Variants in RNF130 observed in about 807,000 individuals in gnomAD.
RNF130 encodes E3 ubiquitin-protein ligase RNF130.
In RNF130, 21 loss-of-function variants were observed where a neutral mutation model predicts 44.6. That is an observed-to-expected ratio of 0.47 (90% CI 0.33 to 0.68). RNF130 has a LOEUF of 0.68. Among genes scored for constraint, RNF130 ranks in the 30% least tolerant of loss-of-function variants. The probability of loss-of-function intolerance (pLI) is 0.02; values close to 1 mark genes in which losing one functional copy is unlikely to be tolerated. For synonymous variants in RNF130, 214 were observed against 210.4 expected, an observed-to-expected ratio of 1.02 and a Z score of -0.15; for missense variants, 479 against 560.6, an observed-to-expected ratio of 0.85 and a Z score of 1.47.
intron 3 of RNF130, among the ~76,000 whole-genome samples, chr5:180,002,589 C>T (rs1468405138): frequency 6.6e-6 from 1 of 152,116 alleles, no homozygotes; most frequent in Non-Finnish European, 1.5e-5. Flanking sequence ...GGTGGGAACC[C>T]TGGTGGTGAG....
At chr5:179,922,386 C>T (rs1761647162) in intron 7 of RNF130, among the ~76,000 whole-genome samples, 1 of 152,010 alleles carries the variant, frequency 6.6e-6, no homozygotes, top group African/African-American at 2.4e-5. Flanking sequence ...CATCTCGGCT[C>T]ACTGCAACCT....
intron 3 of RNF130, among the ~76,000 whole-genome samples, chr5:179,982,968 G>A (rs1762871126): frequency 6.6e-6 from 1 of 152,170 alleles, no homozygotes; most frequent in Non-Finnish European, 1.5e-5. Flanking sequence ...TACATTGTCT[G>A]TGGTGAAGTG....
chr5:179,962,131 G>A (rs1762345488), intron 8 of RNF130, among the ~76,000 whole-genome samples: 1 of 152,224 alleles, frequency 6.6e-6, no homozygotes, highest in South Asian at 2.1e-4. Context: ...CCATGCTGAA[G>A]GAAAACTGCC....
In RNF130 at chr5:179,933,855, C is replaced by T. The variant is rs562616575; in HGVS notation, c.1151-13429G>A. The T allele has an allele frequency of 8.8e-6, 7 of 791,002 alleles. No homozygotes were observed. In the East Asian group the frequency reaches 1.3e-4, roughly 15 times the overall value. 49.0% of individuals were successfully genotyped at this position (791,002 alleles called of 1,614,324 possible). A position where few individuals can be genotyped will look rare whatever the true frequency, so the allele number is the denominator to read the frequency against. ...CCTCCTGTGTGTTTTTGTCTTGCTTCTTCATGGTCCATGTTGCCAGCTGAG... is the reference window on the plus strand; with the variant it reads ...CCTCCTGTGTGTTTTTGTCTTGCTTTTTCATGGTCCATGTTGCCAGCTGAG... On this transcript the variant is annotated intron_variant, in intron 7 of 7. Coordinates refer to the RNF130 transcript ENST00000522208.
chr5:179,993,183 A>T (rs1479285741), intron 3 of RNF130, among the ~76,000 whole-genome samples: 1 of 152,232 alleles, frequency 6.6e-6, no homozygotes. Context: ...CGCAATAAAC[A>T]TACGTGTGCA....
chr5:180,010,740 G>C (rs1390103322), intron 3 of RNF130, among the ~76,000 whole-genome samples: 1 of 152,178 alleles, frequency 6.6e-6, no homozygotes, highest in African/African-American at 2.4e-5. Context: ...TAGGGAAGGG[G>C]GAAGGAGGGA....
chr5:179,997,315 A>G (rs899359879), intron 3 of RNF130, among the ~76,000 whole-genome samples: 1 of 149,580 alleles, frequency 6.7e-6, no homozygotes, highest in Admixed American at 6.7e-5. Context: ...CTTATGTTTT[A>G]TTTATTTATT....
intron 3 of RNF130, among the ~76,000 whole-genome samples, chr5:179,988,591 ATGTTT>A (rs912132256): frequency 2.0e-5 from 3 of 150,758 alleles, no homozygotes; most frequent in African/African-American, 7.3e-5. Flanking sequence ...AGGTTTTGGT[ATGTTT>A]TATTTCCATT....
intron 2 of RNF130, among the ~76,000 whole-genome samples, chr5:180,035,303 T>C (rs1764225841): frequency 6.6e-6 from 1 of 152,258 alleles, no homozygotes; most frequent in African/African-American, 2.4e-5. Flanking sequence ...TTTAGATGTG[T>C]GCTGCTTAAT....
intron 1 of RNF130, among the ~76,000 whole-genome samples, chr5:180,055,451 T>TGTGTGTGC (rs1561709804): frequency 2.6e-5 from 4 of 150,994 alleles, no homozygotes; most frequent in Non-Finnish European, 4.4e-5. Flanking sequence ...TGTGTGTGTG[T>TGTGTGTGC]GCGTGTGTGT....
At chr5:179,974,784 G>A (rs931204974) in intron 5 of RNF130, among the ~76,000 whole-genome samples, 1 of 152,370 alleles carries the variant, frequency 6.6e-6, no homozygotes, top group Admixed American at 6.5e-5. Context: ...AACACTGGAA[G>A]GAGCAGCCAG....
chr5:179,985,608 C>T (rs1762936674), intron 3 of RNF130, among the ~76,000 whole-genome samples: 2 of 152,154 alleles, frequency 1.3e-5, no homozygotes, highest in Admixed American at 1.3e-4. Flanking sequence ...AGGGACAAAG[C>T]ACTGATAAAA....
intron 1 of RNF130, among the ~76,000 whole-genome samples, chr5:180,052,300 T>C (rs114352058): frequency 0.029 from 4,421 of 152,310 alleles, 212 homozygotes; most frequent in African/African-American, 0.1. Flanking sequence ...TCCAAACTTA[T>C]TAGCTTCCTC....
chr5:179,921,753 C>T (rs1409800771), intron 7 of RNF130, among the ~76,000 whole-genome samples: 4 of 151,396 alleles, frequency 2.6e-5, no homozygotes, highest in African/African-American at 9.7e-5. Context: ...GCCAAGATCG[C>T]GCCACACGCC....
intron 7 of RNF130, among the ~76,000 whole-genome samples, chr5:179,925,067 C>A (rs1352479020): frequency 6.6e-6 from 1 of 152,196 alleles, no homozygotes; most frequent in Admixed American, 6.5e-5. Context: ...TTTATCCGGG[C>A]TTCCTGGCCT....
Position 179,988,289 on chromosome 5 carries a change from C to G in RNF130, c.694-8089G>C, listed in dbSNP as rs186262120. On this transcript the variant is annotated intron_variant, in intron 3 of 8. Coordinates refer to ENST00000521389, the MANE Select transcript of RNF130 (RefSeq NM_018434.6). ...TTGTTGGTTTCAGTTGTAATGTCTC[C>G]TTTTTCACTTCTGATTTTATTTGAG... 4.0e-4 allele frequency among the ~76,000 whole-genome samples: 61 copies of G among 152,232 alleles called. 2 individuals carry two copies. The East Asian group carries it at 0.011, about 28-fold the overall frequency.
At chr5:179,952,075 G>A (rs1260747932), downstream of RNF130, among the ~76,000 whole-genome samples, 1 of 152,156 alleles carries the variant, frequency 6.6e-6, no homozygotes, top group Non-Finnish European at 1.5e-5. Context: ...GCTCAAGCCT[G>A]TAATCTTACC....
chr5:179,938,126 T>C (rs541645315), intron 7 of RNF130, among the ~76,000 whole-genome samples: 29 of 151,894 alleles, frequency 1.9e-4, no homozygotes, highest in Non-Finnish European at 3.7e-4. Context: ...CTGGCTAATT[T>C]TTGTATTTTT....
intron 7 of RNF130, among the ~76,000 whole-genome samples, chr5:179,945,493 A>G (rs1419176083): frequency 2.0e-5 from 3 of 152,182 alleles, no homozygotes; most frequent in African/African-American, 7.2e-5. Context: ...GTACTTTCAC[A>G]CACACCATGT....
Sources: allele counts gnomAD v4.1 joint callset (sites outside exome capture counted in the v4.1 genomes callset), GRCh38; gene constraint gnomAD v4.1.1; transcripts MANE v1.5; gene names NCBI Gene and HGNC (gene_info 2026-07-23, HGNC 2026-07-21).